PRUNE2: variants seen among roughly 807,000 people sequenced by gnomAD.
PRUNE2 encodes the protein protein prune homolog 2.
A neutral mutation model predicts 252.0 loss-of-function variants in PRUNE2; 164 were observed. That is an observed-to-expected ratio of 0.65 (90% CI 0.57 to 0.74). The LOEUF (loss-of-function observed/expected upper bound fraction) is 0.74. Among genes scored for constraint, PRUNE2 ranks in the 30% least tolerant of loss-of-function variants. PRUNE2 has a pLI of 0.00. For synonymous variants in PRUNE2, 1,292 were observed against 1,350.2 expected, an observed-to-expected ratio of 0.96 and a Z score of 0.94; for missense variants, 3,495 against 3,711.0, an observed-to-expected ratio of 0.94 and a Z score of 1.51.
chr9:76,661,929 C>T (rs1452754227), intron 9 of PRUNE2, among the ~76,000 whole-genome samples: 1 of 151,230 alleles, frequency 6.6e-6, no homozygotes, highest in Non-Finnish European at 1.5e-5. Context: ...TCATAAAATA[C>T]CAAAAGTCAA....
chr9:76,724,609 A>G (rs1490111165), intron 6 of PRUNE2, among the ~76,000 whole-genome samples: 2 of 152,158 alleles, frequency 1.3e-5, no homozygotes, highest in Non-Finnish European at 2.9e-5. Flanking sequence ...CTGTTGTTAC[A>G]CAGACAGAGA....
intron 1 of PRUNE2, among the ~76,000 whole-genome samples, chr9:76,880,720 T>A (rs2061725062): frequency 1.3e-5 from 2 of 152,236 alleles, no homozygotes; most frequent in African/African-American, 4.8e-5. Flanking sequence ...TATCTAGAAG[T>A]AAAAGCAATT....
chr9:76,875,610 C>A (rs993341480), intron 1 of PRUNE2, among the ~76,000 whole-genome samples: 1 of 152,098 alleles, frequency 6.6e-6, no homozygotes, highest in South Asian at 2.1e-4. Flanking sequence ...GTGATCTGCC[C>A]GCCTTGGCCT....
intron 9 of PRUNE2, among the ~76,000 whole-genome samples, chr9:76,695,110 A>T (rs1315820602): frequency 6.6e-6 from 1 of 152,198 alleles, no homozygotes; most frequent in African/African-American, 2.4e-5. Flanking sequence ...ATCTCAGCCC[A>T]CTGCGATCTC....
chr9:76,870,416 T>A (rs1438705993), intron 1 of PRUNE2, among the ~76,000 whole-genome samples: 1 of 151,696 alleles, frequency 6.6e-6, no homozygotes, highest in Non-Finnish European at 1.5e-5. Context: ...CCGGGTGCGG[T>A]GGCTCCCGCC....
intron 6 of PRUNE2, among the ~76,000 whole-genome samples, chr9:76,807,367 C>T (rs972787073): frequency 2.0e-5 from 3 of 152,158 alleles, no homozygotes; most frequent in African/African-American, 4.8e-5. Context: ...GCCACAATGC[C>T]TGGCCTCGAC....
intron 6 of PRUNE2, chr9:76,808,475 C>T (rs371271604): frequency 6.6e-6 from 1 of 152,236 alleles, no homozygotes; most frequent in African/African-American, 2.4e-5. Flanking sequence ...TGGGGCTCCT[C>T]CCAATGGTTC....
chr9:76,704,509 G>A (rs529901140), intron 8 of PRUNE2, among the ~76,000 whole-genome samples: 34 of 152,314 alleles, frequency 2.2e-4, no homozygotes, highest in Admixed American at 7.2e-4. Flanking sequence ...ACAGGCGTGA[G>A]CCACCGCGCC....
intron 9 of PRUNE2, among the ~76,000 whole-genome samples, chr9:76,658,973 T>C (rs1329199070): frequency 6.6e-6 from 1 of 152,194 alleles, no homozygotes; most frequent in East Asian, 1.9e-4. Flanking sequence ...CTTTGGCTAA[T>C]GAAGAAAGAG....
At chr9:76,797,782 G>T (rs2056230340) in intron 6 of PRUNE2, among the ~76,000 whole-genome samples, 1 of 152,076 alleles carries the variant, frequency 6.6e-6, no homozygotes, top group African/African-American at 2.4e-5. Flanking sequence ...GTAGAGAGGG[G>T]AAGGGGTTGA....
At chr9:76,714,392 T>C (rs2046975251) in intron 6 of PRUNE2, among the ~76,000 whole-genome samples, 1 of 152,298 alleles carries the variant, frequency 6.6e-6, no homozygotes, top group Non-Finnish European at 1.5e-5. Context: ...ACTGTATGTA[T>C]GTACTTATTT....
At chr9:76,691,016 A>T (rs995497424) in intron 9 of PRUNE2, among the ~76,000 whole-genome samples, 10 of 152,354 alleles carry the variant, frequency 6.6e-5, no homozygotes, top group Admixed American at 2.0e-4. Context: ...ATCGTAATCT[A>T]ATTATTCCAG....
In PRUNE2 at chr9:76,706,598, C is replaced by G; in HGVS notation, c.5676G>C (p.Gln1892His). The change falls in exon 8 of 19, where the codon CAG (glutamine) becomes CAC (histidine). Residue 1892 changes from glutamine (Q) to histidine (H), a missense_variant. Gln to His is a conservative substitution (Grantham distance 24). Coordinates refer to ENST00000376718, the MANE Select transcript of PRUNE2 (RefSeq NM_015225.3). ...TCCCATTACCTTCCAGAAAGGGTGA[C>G]TGATGGTTGTCACTAAAAGGATTAG... is the stretch of plus-strand genomic sequence containing the variant. ...HYTNPFSDNH[Q>H]SPFLEGNGKN... is the part of the protein sequence containing the mutation. The G allele has an allele frequency of 6.2e-7, 1 of 1,613,932 alleles. No homozygotes were observed.
At chr9:76,672,328 G>A in intron 9 of PRUNE2, among the ~76,000 whole-genome samples, 2 of 99,314 alleles carry the variant, frequency 2.0e-5, no homozygotes, top group Non-Finnish European at 4.2e-5. Context: ...AATGGTAAAG[G>A]GATCAATTCA....
At chr9:76,687,673 T>G in intron 9 of PRUNE2, 1 of 417,282 alleles carries the variant, frequency 2.4e-6, no homozygotes, top group South Asian at 1.7e-5. Context: ...TCAACAAACA[T>G]TTGAGTCCTA....
intron 10 of PRUNE2, among the ~76,000 whole-genome samples, chr9:76,653,492 A>G (rs557993438): frequency 6.6e-6 from 1 of 152,274 alleles, no homozygotes; most frequent in South Asian, 2.1e-4. Flanking sequence ...AAAAGTTTGT[A>G]CATGTTCAGT....
chr9:76,734,986 G>C (rs997966114), intron 6 of PRUNE2, among the ~76,000 whole-genome samples: 12 of 152,170 alleles, frequency 7.9e-5, no homozygotes, highest in Admixed American at 2.6e-4. Context: ...ACAAACAGAG[G>C]CAAGGGGTGG....
At chr9:76,674,544 C>G (rs2042141746) in intron 9 of PRUNE2, among the ~76,000 whole-genome samples, 2 of 151,766 alleles carry the variant, frequency 1.3e-5, no homozygotes, top group African/African-American at 2.4e-5. Flanking sequence ...ACTTTCTTCA[C>G]AGAATTGGAA....
chr9:76,690,649 A>G (rs891407426), intron 9 of PRUNE2, among the ~76,000 whole-genome samples: 8 of 152,234 alleles, frequency 5.3e-5, no homozygotes, highest in Non-Finnish European at 8.8e-5. Context: ...GGGGAAAAAA[A>G]GTTAATTTGA....
Sources: allele counts gnomAD v4.1 joint callset (sites outside exome capture counted in the v4.1 genomes callset), GRCh38; gene constraint gnomAD v4.1.1; transcripts MANE v1.5; gene names NCBI Gene and HGNC (gene_info 2026-07-23, HGNC 2026-07-21).